The following UGT1A8 variants were observed in gnomAD, a reference collection of about 807,000 sequenced individuals.
The protein encoded by UGT1A8 is UDP glucuronosyltransferase family 1 member A8, also known as UDP-glucuronosyltransferase 1A8.
UGT1A8 carries 39 observed loss-of-function variants against 45.3 expected under a neutral mutation model. That is an observed-to-expected ratio of 0.86 (90% CI 0.67 to 1.12). The LOEUF (loss-of-function observed/expected upper bound fraction) is 1.12. UGT1A8 is among the 50% of genes most tolerant of loss of function. The probability of loss-of-function intolerance (pLI) is 0.00; values close to 1 mark genes in which losing one functional copy is unlikely to be tolerated. For missense variants in UGT1A8, 719 were observed against 664.9 expected (o/e 1.08, Z -0.90); for synonymous variants, 275 against 249.2 (o/e 1.10, Z -0.97).
intron 1 of UGT1A8, among the ~76,000 whole-genome samples, chr2:233,761,825 G>A (rs1697874860): frequency 6.6e-6 from 1 of 152,234 alleles, no homozygotes; most frequent in South Asian, 2.1e-4. Flanking sequence ...GGCTCCTTCA[G>A]ATGGAGCGTT....
intron 1 of UGT1A8, among the ~76,000 whole-genome samples, chr2:233,697,486 T>G (rs1423880870): frequency 6.6e-6 from 1 of 151,808 alleles, no homozygotes; most frequent in Non-Finnish European, 1.5e-5. Context: ...GCTCAAGGTT[T>G]GCCAATTTTG....
chr2:233,731,689 G>A (rs1162226344), intron 1 of UGT1A8, among the ~76,000 whole-genome samples: 1 of 152,164 alleles, frequency 6.6e-6, no homozygotes, highest in Non-Finnish European at 1.5e-5. Flanking sequence ...TATCATTGAT[G>A]GACATTTGGA....
At chr2:233,719,033 A>C (rs754383567) in intron 1 of UGT1A8, 11 of 1,614,270 alleles carry the variant, frequency 6.8e-6, no homozygotes, top group Non-Finnish European at 9.3e-6. Flanking sequence ...ACATCAAAGA[A>C]GAGAAATTTT....
At chr2:233,663,382 G>A (rs2074013154) in intron 1 of UGT1A8, among the ~76,000 whole-genome samples, 1 of 152,144 alleles carries the variant, frequency 6.6e-6, no homozygotes, top group South Asian at 2.1e-4. Flanking sequence ...GTGCTGATTG[G>A]TCAGGGATGA....
intron 1 of UGT1A8, among the ~76,000 whole-genome samples, chr2:233,667,174 A>G (rs1325372106): frequency 6.6e-6 from 1 of 152,186 alleles, no homozygotes; most frequent in Non-Finnish European, 1.5e-5. Flanking sequence ...CAGTAATGGG[A>G]TGGCTGGGTC....
intron 1 of UGT1A8, among the ~76,000 whole-genome samples, chr2:233,619,257 A>G (rs963188210): frequency 1.6e-4 from 24 of 152,196 alleles, no homozygotes; most frequent in African/African-American, 5.5e-4. Context: ...ATACACCAAT[A>G]CAGACAGATT....
In UGT1A8 at chr2:233,739,366, G is replaced by T. The variant is rs191477827; in HGVS notation, c.856-27668G>T. 3.4e-3 allele frequency among the ~76,000 whole-genome samples: 523 copies of T among 152,270 alleles called. 13 individuals carry two copies. Among genetic ancestry groups the T allele is most frequent in the East Asian group, 3.5e-3 (18 of 5,178 alleles). On this transcript the variant is annotated intron_variant, in intron 1 of 4. Transcript: ENST00000373450. Reference sequence around the variant, plus strand: ...CCCAGAAGGGCAGATCCAATAGCTTGCACTGTGTGCCTGGAAGAGCCACAG... The same window carrying T: ...CCCAGAAGGGCAGATCCAATAGCTTTCACTGTGTGCCTGGAAGAGCCACAG...
At chr2:233,727,355 C>A (rs1460228940) in intron 1 of UGT1A8, among the ~76,000 whole-genome samples, 2 of 152,284 alleles carry the variant, frequency 1.3e-5, no homozygotes, top group East Asian at 3.9e-4. Context: ...TTCTGCTATC[C>A]TTAGGGCCCC....
intron 1 of UGT1A8, chr2:233,748,136 T>A: frequency 6.2e-7 from 1 of 1,609,324 alleles, no homozygotes; most frequent in Non-Finnish European, 8.5e-7. Context: ...TTTTAAAAAT[T>A]GTATTTACTT....
intron 1 of UGT1A8, chr2:233,693,115 C>A: frequency 6.2e-7 from 1 of 1,614,176 alleles, no homozygotes; most frequent in Non-Finnish European, 8.5e-7. Flanking sequence ...AGGACGGAAG[C>A]CACTGGCTTA....
In UGT1A8 at chr2:233,648,835, TA is replaced by T; in HGVS notation, c.855+30274del. 3 of 1,114,518 alleles carry T rather than the reference TA, an allele frequency of 2.7e-6. No homozygotes were observed. In the East Asian group the frequency reaches 9.8e-5, roughly 36 times the overall value. 69.0% of individuals were successfully genotyped at this position (1,114,518 alleles called of 1,614,324 possible). ...CTTAGAGGAGCATTTATTTTGCCCATATTTTTTCAAAAATGCCTTAAACATA... is the reference window on the plus strand; with the variant it reads ...CTTAGAGGAGCATTTATTTTGCCCATTTTTTTCAAAAATGCCTTAAACATA... On this transcript the variant is annotated intron_variant, in intron 1 of 4. Transcript: ENST00000373450.
At chr2:233,647,534 C>T (rs1372639653) in intron 1 of UGT1A8, among the ~76,000 whole-genome samples, 1 of 152,142 alleles carries the variant, frequency 6.6e-6, no homozygotes, top group South Asian at 2.1e-4. Flanking sequence ...TTTGTGGGAA[C>T]ATTTGAAGTC....
At chr2:233,690,666 G>A (rs564691258) in intron 1 of UGT1A8, 1 of 1,272,210 alleles carries the variant, frequency 7.9e-7, no homozygotes, top group South Asian at 1.3e-5. Context: ...ACCAACCAGG[G>A]CAGGCCTGGG....
At chr2:233,749,672 C>T (rs779436675) in intron 1 of UGT1A8, among the ~76,000 whole-genome samples, 1 of 151,816 alleles carries the variant, frequency 6.6e-6, no homozygotes, top group African/African-American at 2.4e-5. Flanking sequence ...ATAATCCCCA[C>T]GTGTCAAGGA....
At chr2:233,715,166 G>T (rs568439911) in intron 1 of UGT1A8, among the ~76,000 whole-genome samples, 1 of 152,228 alleles carries the variant, frequency 6.6e-6, no homozygotes, top group African/African-American at 2.4e-5. Context: ...AATTACAGGC[G>T]CGAGCCACCA....
chr2:233,766,357 C>T (rs1461708777), intron 1 of UGT1A8, among the ~76,000 whole-genome samples: 1 of 152,122 alleles, frequency 6.6e-6, no homozygotes, highest in Non-Finnish European at 1.5e-5. Flanking sequence ...CCTGCCGGTG[C>T]CTGTTGGTGA....
At chr2:233,767,960 T>C (rs769330196) in intron 3 of UGT1A8, 24 bp downstream of exon 3, 3 of 1,614,200 alleles carry the variant, frequency 1.9e-6, no homozygotes, top group Non-Finnish European at 2.5e-6. Context: ...ATTGGATGTA[T>C]AGGTCAAACC....
intron 1 of UGT1A8, among the ~76,000 whole-genome samples, chr2:233,629,662 C>T (rs1162862146): frequency 6.6e-6 from 1 of 152,032 alleles, no homozygotes; most frequent in Non-Finnish European, 1.5e-5. Flanking sequence ...ATCCCCTAGG[C>T]TTCAGTTTTT....
At position 233,647,462 on chromosome 2, in the gene UGT1A8, T is replaced by C. The variant is rs555454292; in HGVS notation, c.855+28900T>C. Among the ~76,000 whole-genome samples, 21 of 152,366 alleles carry C rather than the reference T, an allele frequency of 1.4e-4. No individual in the cohort carries two copies. In the South Asian group the frequency reaches 4.1e-3, roughly 30 times the overall value. On this transcript the variant is annotated intron_variant, in intron 1 of 4. Transcript: ENST00000373450. ...GGACTAGATTGTGAGAAATTGGTAT[T>C]ATTTCTTCCTTCAGTGTTTGGTAGA...
Sources: allele counts gnomAD v4.1 joint callset (sites outside exome capture counted in the v4.1 genomes callset), GRCh38; gene constraint gnomAD v4.1.1; transcripts MANE v1.5; gene names NCBI Gene and HGNC (gene_info 2026-07-23, HGNC 2026-07-21).